The following RAB11FIP3 variants were observed in gnomAD, a reference collection of about 807,000 sequenced individuals.
The protein encoded by RAB11FIP3 is rab11 family-interacting protein 3.
Under a neutral mutation model 77.8 loss-of-function variants are expected in RAB11FIP3, and 17 were observed. The ratio of observed to expected loss-of-function variants is 0.22; its 90% CI spans 0.15 to 0.33. RAB11FIP3 has a LOEUF of 0.33. Ranked by LOEUF, RAB11FIP3 falls within the 10% of genes least tolerant of loss-of-function variation. The pLI is 1.00. For synonymous variants in RAB11FIP3, 437 were observed against 448.2 expected, an observed-to-expected ratio of 0.98 and a Z score of 0.31; for missense variants, 1,005 against 1,011.2, an observed-to-expected ratio of 0.99 and a Z score of 0.08.
At position 453,586 on chromosome 16, in the gene RAB11FIP3, GTTTTTTTTT is replaced by G. The variant is rs766526904; in HGVS notation, c.715-7805_715-7797del. 1.3e-4 allele frequency: 14 copies of G among 107,324 alleles called. No homozygotes were observed. The East Asian group carries it at 2.0e-3, about 15-fold the overall frequency. 6.6% of individuals were successfully genotyped at this position (107,324 alleles called of 1,614,324 possible). On this transcript the variant is annotated intron_variant, in intron 1 of 13. Coordinates refer to ENST00000262305, the MANE Select transcript of RAB11FIP3 (RefSeq NM_014700.4). ...AACAGATCTCTGATTTAGGAAGTTG[GTTTTTTTTT>G]TTTTTTTTTTTTGAAGCAGAGTTTT...
intron 6 of RAB11FIP3, among the ~76,000 whole-genome samples, chr16:497,939 C>CAAA (rs747783090): frequency 0.034 from 1,576 of 46,096 alleles, 32 homozygotes; most frequent in African/African-American, 0.098. Flanking sequence ...CCTGTCTCTA[C>CAAA]AAAAAAAAAA....
rs758871531 is a variant in RAB11FIP3 at position 496,773 on chromosome 16, T to A, written c.1266-51T>A. On this transcript the variant is annotated intron_variant, in intron 5 of 13. Coordinates refer to ENST00000262305, the MANE Select transcript of RAB11FIP3 (RefSeq NM_014700.4). ...GCCTGAGTTTCCTGCTTCCTCCTGC[T>A]CCTCTCTGTCTGTTCTAACAATTTT... The A allele has an allele frequency of 6.3e-5, 96 of 1,526,514 alleles. 3 individuals are homozygous for A. The South Asian group carries it at 7.9e-4, about 13-fold the overall frequency. The allele number at this position is 1,526,514 out of a possible 1,614,324, so 94.6% of individuals were successfully genotyped here. A position where few individuals can be genotyped will look rare whatever the true frequency, so the allele number is the denominator to read the frequency against.
At chr16:516,101 T>G (rs2032403153) in intron 9 of RAB11FIP3, among the ~76,000 whole-genome samples, 1 of 151,770 alleles carries the variant, frequency 6.6e-6, no homozygotes, top group Admixed American at 6.6e-5. Context: ...TTGGAAGGGG[T>G]TGCATCTGCT....
chr16:477,753 C>T, intron 3 of RAB11FIP3: 3 of 822,040 alleles, frequency 3.6e-6, no homozygotes, highest in Non-Finnish European at 4.4e-6. Context: ...TTATGAATTA[C>T]TTCCTTAGAT....
At chr16:432,481 T>G (rs2141841900) in intron 1 of RAB11FIP3, among the ~76,000 whole-genome samples, 1 of 152,218 alleles carries the variant, frequency 6.6e-6, no homozygotes, top group Admixed American at 6.6e-5. Flanking sequence ...CATTAAGAGA[T>G]AATTAAATAT....
intron 1 of RAB11FIP3, among the ~76,000 whole-genome samples, chr16:433,350 T>G (rs1479846432): frequency 6.8e-6 from 1 of 147,836 alleles, no homozygotes; most frequent in African/African-American, 2.5e-5. Flanking sequence ...CCATTAACCG[T>G]GCTCTTTACC....
chr16:499,554 T>G (rs564718934), intron 6 of RAB11FIP3, among the ~76,000 whole-genome samples: 1 of 152,144 alleles, frequency 6.6e-6, no homozygotes, highest in African/African-American at 2.4e-5. Context: ...TCCCAGCACA[T>G]TGGGAAGCCA....
At chr16:437,277 C>T (rs1409202826) in intron 1 of RAB11FIP3, among the ~76,000 whole-genome samples, 1 of 147,464 alleles carries the variant, frequency 6.8e-6, no homozygotes, top group Non-Finnish European at 1.5e-5. Flanking sequence ...GACTCTGTCT[C>T]AGAAAAAAAG....
At chr16:431,959 G>A (rs182998133) in intron 1 of RAB11FIP3, among the ~76,000 whole-genome samples, 2 of 152,018 alleles carry the variant, frequency 1.3e-5, no homozygotes, top group Non-Finnish European at 1.5e-5. Flanking sequence ...AGGTTTCACC[G>A]TGTTAGCCAG....
chr16:462,478 G>T (rs555005269), intron 2 of RAB11FIP3, among the ~76,000 whole-genome samples: 1 of 152,030 alleles, frequency 6.6e-6, no homozygotes, highest in South Asian at 2.1e-4. Context: ...CAGGTGATCC[G>T]CCTGCCTCAG....
In RAB11FIP3 at chr16:520,722, A is replaced by G. The variant is rs2032649001; in HGVS notation, c.2158-4A>G. On this transcript the variant is annotated splice_region_variant and splice_polypyrimidine_tract_variant and intron_variant, in intron 13 of 13. Coordinates refer to ENST00000262305, the MANE Select transcript of RAB11FIP3 (RefSeq NM_014700.4). ...TCAGCTCTGACCACCTGCTTGCCCT[A>G]CAGCTCATGGAGGCGATTCAGAAGC... 6.2e-7 allele frequency: 1 copy of G among 1,613,382 alleles called. No individual in the cohort carries two copies. Among genetic ancestry groups the G allele is most frequent in the Non-Finnish European group, 8.5e-7 (1 of 1,179,878 alleles).
chr16:503,583 C>G (rs1467894524), intron 7 of RAB11FIP3, among the ~76,000 whole-genome samples: 1 of 152,062 alleles, frequency 6.6e-6, no homozygotes, highest in Non-Finnish European at 1.5e-5. Context: ...TTGCCGTGGT[C>G]AAGACCCGCT....
intron 6 of RAB11FIP3, among the ~76,000 whole-genome samples, chr16:497,628 G>C (rs2141837813): frequency 6.6e-6 from 1 of 152,268 alleles, no homozygotes; most frequent in East Asian, 1.9e-4. Flanking sequence ...TCCTGGACAG[G>C]TCTCCCCACA....
At chr16:434,866 C>T (rs1307118348) in intron 1 of RAB11FIP3, among the ~76,000 whole-genome samples, 3 of 151,786 alleles carry the variant, frequency 2.0e-5, no homozygotes, top group Non-Finnish European at 4.4e-5. Context: ...GAGTTTAAGA[C>T]CAGCTGGCCA....
intron 2 of RAB11FIP3, among the ~76,000 whole-genome samples, chr16:466,870 G>A (rs1418596468): frequency 7.2e-5 from 11 of 152,210 alleles, no homozygotes; most frequent in Non-Finnish European, 1.5e-5. Context: ...TGCTTGAGAG[G>A]GCGGTGAGCT....
rs561352738 is a variant in RAB11FIP3, at chr16:426,421, G to A, written c.415G>A (p.Glu139Lys). The change falls in exon 1 of 14, where the codon GAG becomes AAG. Residue 139 changes from glutamate to lysine, a missense_variant. Glu to Lys is a moderately conservative substitution (Grantham distance 56). Coordinates refer to ENST00000262305, the MANE Select transcript of RAB11FIP3 (RefSeq NM_014700.4). This position sits in a 1 kb window ranked among gnomAD's most constrained non-coding sequence, Gnocchi z 5.0. ...PEECGPASCPESAPFRLQGSS... is the reference protein window; with the variant it reads ...PEECGPASCPKSAPFRLQGSS... Reference sequence around the variant, plus strand: ...GGAGTGTGGCCCCGCGAGCTGCCCGGAGAGCGCGCCTTTCCGCTTGCAGGG... The same window carrying A: ...GGAGTGTGGCCCCGCGAGCTGCCCGAAGAGCGCGCCTTTCCGCTTGCAGGG... 3.3e-5 allele frequency: 53 copies of A among 1,584,494 alleles called. 1 individual carries two copies. The highest frequency in any genetic ancestry group is 1.7e-4 in the Middle Eastern group (1 of 5,924).
chr16:456,204 C>A (rs2055500486), intron 1 of RAB11FIP3, among the ~76,000 whole-genome samples: 1 of 152,058 alleles, frequency 6.6e-6, no homozygotes, highest in Non-Finnish European at 1.5e-5. Flanking sequence ...AATTCCAGCA[C>A]TTTGGGAGGC....
At chr16:465,962 G>A (rs1254487288) in intron 2 of RAB11FIP3, among the ~76,000 whole-genome samples, 1 of 152,226 alleles carries the variant, frequency 6.6e-6, no homozygotes, top group Non-Finnish European at 1.5e-5. Flanking sequence ...GAACAGGACT[G>A]TAACTCCACG....
rs1248294333 is a variant in RAB11FIP3, at chr16:471,781, C to T, written c.903+392C>T. Among the ~76,000 whole-genome samples the T allele has an allele frequency of 6.6e-6, 1 of 152,178 alleles. No homozygotes were observed. The highest frequency in any genetic ancestry group is 1.5e-5 in the Non-Finnish European group (1 of 68,030). The stretch of plus-strand genomic sequence containing the variant: ...ATGCCTGCCCCTGCTTGGCTGTCCT[C>T]CACCCTGCTCCCAGATGCAGCCAGG... On this transcript the variant is annotated intron_variant, in intron 3 of 13. Transcript: ENST00000262305. The surrounding 1 kb of genome is among the most constrained non-coding windows in gnomAD (Gnocchi z 4.4).
Sources: gnomAD v4.1 joint callset for allele counts (sites outside exome capture counted in the v4.1 genomes callset) on GRCh38, gnomAD v4.1.1 for gene constraint, Gnocchi (gnomAD v3.1) non-coding constraint, MANE v1.5 for transcripts, NCBI Gene and HGNC (gene_info 2026-07-23, HGNC 2026-07-21) for gene names.